The following BOC variants were observed in gnomAD, a reference collection of about 807,000 sequenced individuals.
BOC encodes the protein brother of CDO.
In BOC, 76 loss-of-function variants were observed where a neutral mutation model predicts 112.0. The observed-to-expected ratio is 0.68, with a 90% CI of 0.56 to 0.82. BOC has a LOEUF of 0.82. BOC is among the 40% of genes least tolerant of loss of function. BOC has a pLI of 0.00. For synonymous variants in BOC, 580 were observed against 599.8 expected, an observed-to-expected ratio of 0.97 and a Z score of 0.48; for missense variants, 1,309 against 1,511.7, an observed-to-expected ratio of 0.87 and a Z score of 2.22.
At chr3:113,253,842 G>T (rs1283645430) in intron 4 of BOC, among the ~76,000 whole-genome samples, 3 of 152,160 alleles carry the variant, frequency 2.0e-5, no homozygotes, top group Non-Finnish European at 4.4e-5. Context: ...TTAGCAATGC[G>T]TGTGCCCTTA....
At chr3:113,261,733 C>G (rs1455445450) in intron 4 of BOC, 1 of 152,130 alleles carries the variant, frequency 6.6e-6, no homozygotes, top group Non-Finnish European at 1.5e-5. Context: ...TTTTTAGTCT[C>G]TCTCCTTCTT....
rs1559885315 is a variant in BOC at position 113,280,572 on chromosome 3, TAAC to T, written c.2228_2230del (p.Asn743del). ...ATTCCCTATAGTACATCCCAGCAAG[TAAC>T]AACAACACCCCAATCCATGGCTTTT... On this transcript the variant is annotated inframe_deletion, in exon 14 of 20. Coordinates refer to ENST00000682979, the MANE Select transcript of BOC (RefSeq NM_001378074.1). The T allele has an allele frequency of 1.2e-6, 2 of 1,609,468 alleles. No homozygotes were observed. Among genetic ancestry groups the T allele is most frequent in the South Asian group, 1.1e-5 (1 of 90,970 alleles).
At chr3:113,282,781 G>GGGGGACATTA (rs1279427111) in intron 15 of BOC, among the ~76,000 whole-genome samples, 2 of 152,062 alleles carry the variant, frequency 1.3e-5, no homozygotes. Context: ...GCAGAGAGGT[G>GGGGGACATTA]GGGGACATTA....
intron 2 of BOC, 85 bp downstream of exon 2, chr3:113,216,359 A>C (rs538978370): frequency 3.2e-5 from 14 of 439,176 alleles, no homozygotes; most frequent in Non-Finnish European, 6.5e-5. Context: ...ACTTAGAGAT[A>C]GTTTTTCTCA....
rs769500364 is a variant in BOC at position 113,274,523 on chromosome 3, G to A, written c.1383G>A (p.Gln461=). ...CGTCAGTGGGGCCTGCTTCCCCGCA[G>A]TGTCCAGGAGAGAAGGGGCAGGGGG... ...PPTSVGPASP[Q]CPGEKGQGAP... The change falls in exon 9 of 20, where the codon CAG becomes CAA. Residue 461 remains glutamine, a synonymous_variant. Coordinates refer to ENST00000682979, the MANE Select transcript of BOC (RefSeq NM_001378074.1). This position sits in a 1 kb window ranked among gnomAD's most constrained non-coding sequence, Gnocchi z 4.8. 2 of 1,613,446 alleles carry A rather than the reference G, an allele frequency of 1.2e-6. No individual in the cohort carries two copies. Among genetic ancestry groups the A allele is most frequent in the Non-Finnish European group, 1.7e-6 (2 of 1,179,886 alleles).
chr3:113,285,625 T>C (rs1336172938), intron 19 of BOC, 60 bp downstream of exon 19: 1 of 1,424,630 alleles, frequency 7.0e-7, no homozygotes. Flanking sequence ...GAGGTAGGCA[T>C]CCACAAGCCA....
rs2107757131 is a variant in BOC at position 113,284,837 on chromosome 3, C to T, written c.2945C>T (p.Pro982Leu). Residue 982 changes from proline to leucine, a missense_variant, in exon 18 of 20, where the codon CCC (proline) becomes CTC (leucine). Pro to Leu is a moderately conservative substitution (Grantham distance 98). Coordinates refer to ENST00000682979, the MANE Select transcript of BOC (RefSeq NM_001378074.1). ...ACCCATCTTGGCAATGGATATGACC[C>T]CCAAAGTCACCAGATCACGAGGTAA... ...RQTHLGNGYD[P>L]QSHQITRGPK... 6.2e-7 allele frequency: 1 copy of T among 1,614,200 alleles called. No homozygotes were observed. The highest frequency in any genetic ancestry group is 1.3e-5 in the African/African-American group (1 of 75,056).
At chr3:113,239,751 G>A (rs535701738) in intron 2 of BOC, among the ~76,000 whole-genome samples, 42 of 152,330 alleles carry the variant, frequency 2.8e-4, no homozygotes, top group African/African-American at 8.7e-4. Context: ...TGGCTTCTCC[G>A]TGGTGCCCTC....
chr3:113,213,637 T>C (rs1938713115), intron 1 of BOC, among the ~76,000 whole-genome samples: 1 of 152,174 alleles, frequency 6.6e-6, no homozygotes, highest in Non-Finnish European at 1.5e-5. Flanking sequence ...TTTTGAGGTG[T>C]GTAACAGGTT....
At position 113,283,515 on chromosome 3, in the gene BOC, A is replaced by C; in HGVS notation, c.2539A>C (p.Met847Leu). The C allele has an allele frequency of 6.2e-7, 1 of 1,613,884 alleles. No individual in the cohort carries two copies. Among genetic ancestry groups the C allele is most frequent in the Admixed American group, 1.7e-5 (1 of 59,980 alleles). ...TIERPVGTGA[M>L]VARSSDLPYL... is the part of the protein sequence containing the mutation. ...AGAGCGGCCGGTGGGCACTGGGGCC[A>C]TGGTGGCTCGCTCCAGCGACCTGCC... The change falls in exon 16 of 20, where the codon ATG (methionine) becomes CTG (leucine). Residue 847 changes from methionine to leucine, a missense_variant. Physicochemically the swap from Met to Leu is conservative, Grantham distance 15 (BLOSUM62 2). Coordinates refer to ENST00000682979, the MANE Select transcript of BOC (RefSeq NM_001378074.1).
chr3:113,212,076 CGGGGAGA>C (rs1938239252), intron 1 of BOC, 60 bp downstream of exon 1: 1 of 151,226 alleles, frequency 6.6e-6, no homozygotes, highest in Non-Finnish European at 1.5e-5. Context: ...ACTGTTGGTT[CGGGGAGA>C]GGAGGGGGCG....
chr3:113,262,655 T>A (rs1947016419), intron 4 of BOC, among the ~76,000 whole-genome samples: 1 of 152,192 alleles, frequency 6.6e-6, no homozygotes. Flanking sequence ...ACAATGAGGC[T>A]CCAGCCTTCT....
At chr3:113,273,677 G>A (rs1026261866) in intron 8 of BOC, among the ~76,000 whole-genome samples, 8 of 152,332 alleles carry the variant, frequency 5.3e-5, no homozygotes, top group African/African-American at 1.9e-4. Context: ...CTCAACCTAG[G>A]GAGAGGTAAT....
chr3:113,278,877 G>A lies in BOC; in HGVS notation c.1816+94G>A, dbSNP rs554581586. ...GCTGAATGGGGTCTTGCTTCTGTAG[G>A]TCCAGGGTTTTTATGACATCTCCCA... On this transcript the variant is annotated intron_variant, in intron 11 of 19. Transcript: ENST00000682979. The surrounding 1 kb of genome is among the most constrained non-coding windows in gnomAD (Gnocchi z 4.2). The A allele has an allele frequency of 5.5e-5, 60 of 1,097,552 alleles. No individual in the cohort carries two copies. The South Asian group carries it at 7.2e-4, about 13-fold the overall frequency. The allele number at this position is 1,097,552 out of a possible 1,614,324, so 68.0% of individuals were successfully genotyped here.
intron 4 of BOC, among the ~76,000 whole-genome samples, chr3:113,252,839 C>T (rs1390498422): frequency 6.6e-6 from 1 of 152,140 alleles, no homozygotes; most frequent in Non-Finnish European, 1.5e-5. Context: ...TGTGAGTGCT[C>T]AGGGAGGGAG....
At chr3:113,239,801 T>C (rs1353853832) in intron 2 of BOC, among the ~76,000 whole-genome samples, 1 of 152,170 alleles carries the variant, frequency 6.6e-6, no homozygotes, top group South Asian at 2.1e-4. Context: ...GCTCCAGATA[T>C]CTCTGCTTGC....
intron 4 of BOC, among the ~76,000 whole-genome samples, chr3:113,265,839 G>A (rs530010690): frequency 6.6e-6 from 1 of 152,378 alleles, no homozygotes; most frequent in Admixed American, 6.5e-5. Context: ...CCCATCAAGT[G>A]CAGAGGCAGG....
chr3:113,276,820 T>C (rs1391169667), intron 9 of BOC, among the ~76,000 whole-genome samples: 1 of 152,196 alleles, frequency 6.6e-6, no homozygotes, highest in Non-Finnish European at 1.5e-5. Context: ...ACCATTCCTG[T>C]GCCTTGAATG....
chr3:113,260,241 T>C (rs1018701490), intron 4 of BOC, among the ~76,000 whole-genome samples: 8 of 152,200 alleles, frequency 5.3e-5, no homozygotes, highest in African/African-American at 1.9e-4. Context: ...AAAAAGGGCA[T>C]ACACAGGGTA....
Sources: gnomAD v4.1 joint callset for allele counts (sites outside exome capture counted in the v4.1 genomes callset) on GRCh38, gnomAD v4.1.1 for gene constraint, Gnocchi (gnomAD v3.1) non-coding constraint, MANE v1.5 for transcripts, NCBI Gene and HGNC (gene_info 2026-07-23, HGNC 2026-07-21) for gene names.